The following CHST11 variants were observed in gnomAD, a reference collection of about 807,000 sequenced individuals.
CHST11 encodes C4S-1.
A neutral mutation model predicts 30.4 loss-of-function variants in CHST11; 9 were observed. That is an observed-to-expected ratio of 0.30 (90% CI 0.18 to 0.52). The LOEUF (loss-of-function observed/expected upper bound fraction) is 0.52. Among genes scored for constraint, CHST11 ranks in the 20% least tolerant of loss-of-function variants. The pLI is 0.97. For synonymous variants in CHST11, 152 were observed against 187.8 expected (o/e 0.81, Z 1.56); for missense variants, 348 against 460.6 (o/e 0.76, Z 2.24).
At chr12:104,461,899 C>A (rs184639150) in intron 1 of CHST11, among the ~76,000 whole-genome samples, 4 of 152,006 alleles carry the variant, frequency 2.6e-5, no homozygotes, top group Admixed American at 2.6e-4. Context: ...TGCGATGGCT[C>A]ACACCTGTAA....
chr12:104,731,952 G>T (rs1490315594), intron 2 of CHST11, among the ~76,000 whole-genome samples: 1 of 152,252 alleles, frequency 6.6e-6, no homozygotes, highest in African/African-American at 2.4e-5. Context: ...CAGCCCAGCA[G>T]ATTGGCCTTT....
intron 2 of CHST11, among the ~76,000 whole-genome samples, chr12:104,610,818 C>G (rs940666176): frequency 6.6e-6 from 1 of 152,218 alleles, no homozygotes; most frequent in African/African-American, 2.4e-5. Flanking sequence ...CATCTTCACA[C>G]TAGTTACTCT....
At position 104,757,361 on chromosome 12, in the gene CHST11, TCTC is replaced by T. The variant is rs1207963780; in HGVS notation, c.620_622del (p.Ser207del). On this transcript the variant is annotated inframe_deletion, in exon 3 of 3. Coordinates refer to ENST00000303694, the MANE Select transcript of CHST11 (RefSeq NM_018413.6). This position sits in a 1 kb window ranked among gnomAD's most constrained non-coding sequence, Gnocchi z 6.5. ...AACAAGTTCACCCAGAAGTACAACA[TCTC>T]CTTCCACAAGCGGTACGGCACCAAG... The T allele has an allele frequency of 6.2e-7, 1 of 1,613,682 alleles. No homozygotes were observed. Among genetic ancestry groups the T allele is most frequent in the Non-Finnish European group, 8.5e-7 (1 of 1,179,960 alleles).
intron 2 of CHST11, among the ~76,000 whole-genome samples, chr12:104,705,349 A>G (rs1256064210): frequency 6.6e-6 from 1 of 152,170 alleles, no homozygotes; most frequent in Non-Finnish European, 1.5e-5. Flanking sequence ...TAGAATGGGA[A>G]TGATAGTAAC....
At chr12:104,471,162 C>A (rs2037505534) in intron 1 of CHST11, among the ~76,000 whole-genome samples, 1 of 152,188 alleles carries the variant, frequency 6.6e-6, no homozygotes, top group Admixed American at 6.5e-5. Flanking sequence ...CCTGTCATCC[C>A]TGTGGTACTT....
At chr12:104,512,078 T>C (rs756515696) in intron 1 of CHST11, among the ~76,000 whole-genome samples, 92 of 152,238 alleles carry the variant, frequency 6.0e-4, no homozygotes, top group Non-Finnish European at 5.6e-4. Flanking sequence ...TTATATTTTT[T>C]CCCCTACATA....
intron 1 of CHST11, among the ~76,000 whole-genome samples, chr12:104,503,159 A>G (rs1293155348): frequency 6.6e-6 from 1 of 152,254 alleles, no homozygotes; most frequent in Admixed American, 6.5e-5. Flanking sequence ...AGACATCGTC[A>G]GGGTGGTGCG....
chr12:104,489,034 C>T (rs1359243107), intron 1 of CHST11, among the ~76,000 whole-genome samples: 4 of 151,900 alleles, frequency 2.6e-5, no homozygotes, highest in East Asian at 1.9e-4. Flanking sequence ...TCTTCTTCTT[C>T]CTCTTTTTTT....
At chr12:104,508,535 A>G (rs1375037358) in intron 1 of CHST11, among the ~76,000 whole-genome samples, 1 of 152,236 alleles carries the variant, frequency 6.6e-6, no homozygotes, top group Non-Finnish European at 1.5e-5. Flanking sequence ...ATAACTGGGA[A>G]AAACAAAGCA....
intron 2 of CHST11, among the ~76,000 whole-genome samples, chr12:104,714,760 A>G (rs1024129032): frequency 2.6e-5 from 4 of 152,000 alleles, no homozygotes; most frequent in Non-Finnish European, 4.4e-5. Context: ...TAAAAAGACT[A>G]CCTGGGTTCC....
intron 1 of CHST11, among the ~76,000 whole-genome samples, chr12:104,563,750 G>A (rs1377243479): frequency 6.6e-6 from 1 of 151,312 alleles, no homozygotes; most frequent in African/African-American, 2.4e-5. Flanking sequence ...TGGATCTGGT[G>A]GGAGTGGTTG....
intron 2 of CHST11, among the ~76,000 whole-genome samples, chr12:104,604,821 G>T (rs947304959): frequency 1.3e-5 from 2 of 152,098 alleles, no homozygotes; most frequent in African/African-American, 2.4e-5. Flanking sequence ...TTTATTTTAG[G>T]TGATAAGAAA....
At chr12:104,703,733 T>C (rs2040008907) in intron 2 of CHST11, among the ~76,000 whole-genome samples, 1 of 152,228 alleles carries the variant, frequency 6.6e-6, no homozygotes, top group African/African-American at 2.4e-5. Flanking sequence ...CACTGTGTGG[T>C]TCCTCGCATG....
intron 1 of CHST11, among the ~76,000 whole-genome samples, chr12:104,567,465 G>A (rs1179199103): frequency 3.3e-5 from 5 of 152,146 alleles, no homozygotes; most frequent in Admixed American, 2.6e-4. Flanking sequence ...CTCTCTCCCT[G>A]CCTCTTCCTT....
chr12:104,593,450 C>G (rs2038879415), intron 1 of CHST11, among the ~76,000 whole-genome samples: 1 of 152,106 alleles, frequency 6.6e-6, no homozygotes, highest in South Asian at 2.1e-4. Context: ...TAGGCTGAAC[C>G]CTATTTTCAC....
chr12:104,652,224 T>G (rs2039496905), intron 2 of CHST11, among the ~76,000 whole-genome samples: 1 of 152,190 alleles, frequency 6.6e-6, no homozygotes, highest in South Asian at 2.1e-4. Flanking sequence ...GCAATCAAAC[T>G]TGTAGTTTGA....
In CHST11 at chr12:104,704,622, T is replaced by C. The variant is rs376804112; in HGVS notation, c.205-52327T>C. Reference sequence around the variant, plus strand: ...AGGCCATGGCCCAAGTCTTTTGTTCTCTTTCCAGGGCATAAAAACCTTGTC... The same window carrying C: ...AGGCCATGGCCCAAGTCTTTTGTTCCCTTTCCAGGGCATAAAAACCTTGTC... On this transcript the variant is annotated intron_variant, in intron 2 of 2. Transcript: ENST00000303694. Among the ~76,000 whole-genome samples the C allele has an allele frequency of 1.2e-4, 18 of 152,188 alleles. No individual in the cohort carries two copies. In the East Asian group the frequency reaches 1.7e-3, roughly 15 times the overall value.
intron 1 of CHST11, among the ~76,000 whole-genome samples, chr12:104,504,436 G>A (rs2037883132): frequency 6.6e-6 from 1 of 152,232 alleles, no homozygotes; most frequent in Non-Finnish European, 1.5e-5. Context: ...TCACCTCAGT[G>A]GCAGCAGGTG....
At chr12:104,613,270 G>GATAGA (rs1491566844) in intron 2 of CHST11, among the ~76,000 whole-genome samples, 2 of 135,676 alleles carry the variant, frequency 1.5e-5, no homozygotes, top group Non-Finnish European at 3.3e-5. Flanking sequence ...GAAAATGTGA[G>GATAGA]TGAGATAGAT....
Sources: gnomAD v4.1 joint callset for allele counts (sites outside exome capture counted in the v4.1 genomes callset) on GRCh38, gnomAD v4.1.1 for gene constraint, Gnocchi (gnomAD v3.1) non-coding constraint, MANE v1.5 for transcripts, NCBI Gene and HGNC (gene_info 2026-07-23, HGNC 2026-07-21) for gene names.